The following HOMEZ variants were observed in gnomAD, a reference collection of about 807,000 sequenced individuals.
HOMEZ encodes the protein homeobox and leucine zipper protein Homez.
Under a neutral mutation model 50.1 loss-of-function variants are expected in HOMEZ, and 20 were observed. The observed-to-expected ratio is 0.40, with a 90% CI of 0.28 to 0.58. HOMEZ has a LOEUF of 0.58. HOMEZ is among the 20% of genes least tolerant of loss of function. The probability of loss-of-function intolerance (pLI) is 0.46; values close to 1 mark genes in which losing one functional copy is unlikely to be tolerated. For missense variants in HOMEZ, 579 were observed against 680.5 expected, an observed-to-expected ratio of 0.85 and a Z score of 1.66; for synonymous variants, 239 against 254.7, an observed-to-expected ratio of 0.94 and a Z score of 0.59.
chr14:23,275,705 T>C lies in HOMEZ; in HGVS notation c.1523A>G (p.Glu508Gly). ...WFDSRLPQPAEVVVCLDEEEE... is the reference protein window; with the variant it reads ...WFDSRLPQPAGVVVCLDEEEE... Reference sequence around the variant, plus strand: ...TTCTTCATCTAGACAAACTACCACCTCAGCTGGCTGAGGTAATCGAGAGTC... The same window carrying C: ...TTCTTCATCTAGACAAACTACCACCCCAGCTGGCTGAGGTAATCGAGAGTC... The change falls in exon 2 of 2, where the codon GAG (glutamate) becomes GGG (glycine). Residue 508 changes from glutamate to glycine, a missense_variant. Glu to Gly is a moderately conservative substitution (Grantham distance 98). Coordinates refer to ENST00000357460, the MANE Select transcript of HOMEZ (RefSeq NM_020834.3). 6.2e-7 allele frequency: 1 copy of C among 1,606,176 alleles called. No homozygotes were observed. The highest frequency in any genetic ancestry group is 2.2e-5 in the East Asian group (1 of 44,688).
chr14:23,277,021 G>C lies in HOMEZ; in HGVS notation c.207C>G (p.His69Gln), dbSNP rs1323172347. 1.9e-6 allele frequency: 3 copies of C among 1,614,038 alleles called. No homozygotes were observed. Among genetic ancestry groups the C allele is most frequent in the Non-Finnish European group, 1.7e-6 (2 of 1,179,894 alleles). ...AQTSELDSNE[H>Q]LLKTFSYFPY... is the part of the protein sequence containing the mutation. ...GAAAGTAGCTGAAGGTTTTGAGCAGGTGTTCATTGCTGTCTAGCTCACTGG... is the reference window on the plus strand; with the variant it reads ...GAAAGTAGCTGAAGGTTTTGAGCAGCTGTTCATTGCTGTCTAGCTCACTGG... Residue 69 changes from histidine (H) to glutamine (Q), a missense_variant, in exon 2 of 2, where the codon CAC (histidine) becomes CAG (glutamine). By Grantham distance (24) the His-to-Gln change is conservative. Transcript: ENST00000357460.
At position 23,286,086 on chromosome 14, in the gene HOMEZ, C is replaced by G. The variant is rs1408070710; in HGVS notation, c.-134G>C. On this transcript the variant is annotated 5_prime_UTR_variant, in exon 1 of 2. Transcript: ENST00000357460. ...GCCCCCCCCACCGTCCCCGGGAGCG[C>G]GCCGGTCTACCCAGCCCTGCTCGAG... 8.1e-7 allele frequency: 1 copy of G among 1,230,310 alleles called. No homozygotes were observed. The highest frequency in any genetic ancestry group is 3.2e-5 in the East Asian group (1 of 31,640). The allele number at this position is 1,230,310 out of a possible 1,614,324, so 76.2% of individuals were successfully genotyped here.
Position 23,273,936 on chromosome 14 carries a change from C to G in HOMEZ, c.*1639G>C, listed in dbSNP as rs1462957642. ...TACAGTTTTTGTTCTTTTAATTTACCTCAATAAGTCCTGCCCCTCCAAACA... is the reference window on the plus strand; with the variant it reads ...TACAGTTTTTGTTCTTTTAATTTACGTCAATAAGTCCTGCCCCTCCAAACA... On this transcript the variant is annotated 3_prime_UTR_variant, in exon 2 of 2. Transcript: ENST00000357460. 2.0e-5 allele frequency: 3 copies of G among 152,602 alleles called. No individual in the cohort carries two copies. Among genetic ancestry groups the G allele is most frequent in the African/African-American group, 7.2e-5 (3 of 41,440 alleles). The allele number at this position is 152,602 out of a possible 1,614,324, so 9.5% of individuals were successfully genotyped here.
rs1886267298 is a variant in HOMEZ, at chr14:23,273,681, G to T, written c.*1894C>A. ...CAGAAATAAATTAGGTCTTGGGAAT[G>T]ATCTTGTATCTGAACTAGGATCCCC... is the stretch of plus-strand genomic sequence containing the variant. On this transcript the variant is annotated 3_prime_UTR_variant, in exon 2 of 2. Coordinates refer to ENST00000357460, the MANE Select transcript of HOMEZ (RefSeq NM_020834.3). The T allele has an allele frequency of 6.6e-6, 1 of 152,230 alleles. No individual in the cohort carries two copies. The highest frequency in any genetic ancestry group is 2.1e-4 in the South Asian group (1 of 4,836). 9.4% of individuals were successfully genotyped at this position (152,230 alleles called of 1,614,324 possible). A position where few individuals can be genotyped will look rare whatever the true frequency, so the allele number is the denominator to read the frequency against.
intron 1 of HOMEZ, among the ~76,000 whole-genome samples, chr14:23,280,748 A>ATTTTATTTTATTTTATTT (rs1594965238): frequency 1.1e-5 from 1 of 87,120 alleles, no homozygotes; most frequent in Non-Finnish European, 2.3e-5. Flanking sequence ...TTATTATTTT[A>ATTTTATTTTATTTTATTT]TTTTATTTTA....
rs1886353676 is a variant in HOMEZ at position 23,276,280 on chromosome 14, CACTG to C, written c.944_947del (p.Ser315CysfsTer74). 2 of 1,613,760 alleles carry C rather than the reference CACTG, an allele frequency of 1.2e-6. No individual in the cohort carries two copies. The highest frequency in any genetic ancestry group is 1.7e-6 in the Non-Finnish European group (2 of 1,179,862). Reference sequence around the variant, plus strand: ...GGGGTAATGCCTGTTCACTGGGTGACACTGACTGTGGGACACAGCCTAGTGGCTG... The same window carrying C: ...GGGGTAATGCCTGTTCACTGGGTGACACTGTGGGACACAGCCTAGTGGCTG... On this transcript the variant is annotated frameshift_variant, in exon 2 of 2. Transcript: ENST00000357460. LOFTEE classifies it high-confidence loss of function. The surrounding 1 kb of genome is among the most constrained non-coding windows in gnomAD (Gnocchi z 4.1).
intron 1 of HOMEZ, chr14:23,284,899 T>C (rs1886626797): frequency 6.6e-6 from 1 of 152,194 alleles, no homozygotes; most frequent in Admixed American, 6.5e-5. Flanking sequence ...TAGAATTACC[T>C]GGGAAGCTTA....
chr14:23,284,360 G>A (rs1403459392), intron 1 of HOMEZ, among the ~76,000 whole-genome samples: 1 of 152,208 alleles, frequency 6.6e-6, no homozygotes, highest in East Asian at 1.9e-4. Flanking sequence ...AAGAGTGGAA[G>A]GGAGGGATGC....
intron 1 of HOMEZ, among the ~76,000 whole-genome samples, chr14:23,278,029 G>A (rs187351182): frequency 7.2e-4 from 110 of 152,046 alleles, no homozygotes; most frequent in African/African-American, 2.5e-3. Flanking sequence ...GGGTTTCACC[G>A]TCTTGGCCAG....
rs771924835 is a variant in HOMEZ, at chr14:23,276,957, G to A, written c.271C>T (p.Arg91Cys). 21 of 1,613,914 alleles carry A rather than the reference G, an allele frequency of 1.3e-5. No individual in the cohort carries two copies. Among genetic ancestry groups the A allele is most frequent in the Admixed American group, 3.3e-5 (2 of 60,008 alleles). The change falls in exon 2 of 2, where the codon CGT becomes TGT. Residue 91 changes from arginine (R) to cysteine (C), a missense_variant. Physicochemically the swap from Arg to Cys is radical, Grantham distance 180. Coordinates refer to ENST00000357460, the MANE Select transcript of HOMEZ (RefSeq NM_020834.3). This position sits in a 1 kb window ranked among gnomAD's most constrained non-coding sequence, Gnocchi z 4.1. ...ACTTTCTCCATCTGCAACCCATAAC[G>A]TAGGCAGAGAAGGGCAATGTCTGCT... is the stretch of plus-strand genomic sequence containing the variant. The part of the protein sequence containing the change: ...SLADIALLCL[R>C]YGLQMEKVKT...
Position 23,275,413 on chromosome 14 carries a change from C to G in HOMEZ, c.*162G>C, listed in dbSNP as rs972451959. 20 of 828,766 alleles carry G rather than the reference C, an allele frequency of 2.4e-5. No individual in the cohort carries two copies. The highest frequency in any genetic ancestry group is 3.3e-5 in the Non-Finnish European group (18 of 543,634). 51.3% of individuals were successfully genotyped at this position (828,766 alleles called of 1,614,324 possible). On this transcript the variant is annotated 3_prime_UTR_variant, in exon 2 of 2. Coordinates refer to ENST00000357460, the MANE Select transcript of HOMEZ (RefSeq NM_020834.3). ...ACTTAGTGCCCTATGGTCATTCTCCCTGGTCCACCCTCACTATATCCCCCT... is the reference window on the plus strand; with the variant it reads ...ACTTAGTGCCCTATGGTCATTCTCCGTGGTCCACCCTCACTATATCCCCCT...
rs1426722095 is a variant in HOMEZ, at chr14:23,274,085, T to G, written c.*1490A>C. The G allele has an allele frequency of 1.3e-5, 2 of 152,668 alleles. No homozygotes were observed. Among genetic ancestry groups the G allele is most frequent in the African/African-American group, 4.8e-5 (2 of 41,454 alleles). 9.5% of individuals were successfully genotyped at this position (152,668 alleles called of 1,614,324 possible). ...ATTTTTGGCCTTTTTATTATTATTCTAGCATTTTAGGGCTTCCACTCTTTT... is the reference window on the plus strand; with the variant it reads ...ATTTTTGGCCTTTTTATTATTATTCGAGCATTTTAGGGCTTCCACTCTTTT... On this transcript the variant is annotated 3_prime_UTR_variant, in exon 2 of 2. Transcript: ENST00000357460.
intron 1 of HOMEZ, among the ~76,000 whole-genome samples, chr14:23,281,273 C>G (rs888999369): frequency 9.2e-5 from 14 of 152,164 alleles, no homozygotes; most frequent in Non-Finnish European, 1.9e-4. Flanking sequence ...GCAAATCTAA[C>G]TAACTGAGGC....
At chr14:23,280,223 C>T (rs546287361) in intron 1 of HOMEZ, among the ~76,000 whole-genome samples, 1 of 152,124 alleles carries the variant, frequency 6.6e-6, no homozygotes, top group East Asian at 1.9e-4. Context: ...CTCCCCTAAC[C>T]CTTTAGGTCA....
rs146306025 is a variant in HOMEZ, at chr14:23,279,257, T to G, written c.41-2070A>C. Among the ~76,000 whole-genome samples the G allele has an allele frequency of 2.4e-3, 371 of 152,188 alleles. 2 individuals carry two copies. Among genetic ancestry groups the G allele is most frequent in the African/African-American group, 8.6e-3 (355 of 41,514 alleles). Reference sequence around the variant, plus strand: ...ATAAAATTTTCTTTTTTTTTTCTTCTCAGTAGGGCAATTTACTTCTATAGA... The same window carrying G: ...ATAAAATTTTCTTTTTTTTTTCTTCGCAGTAGGGCAATTTACTTCTATAGA... On this transcript the variant is annotated intron_variant, in intron 1 of 1. Coordinates refer to ENST00000357460, the MANE Select transcript of HOMEZ (RefSeq NM_020834.3).
At chr14:23,283,216 T>C (rs1886593911) in intron 1 of HOMEZ, among the ~76,000 whole-genome samples, 1 of 152,134 alleles carries the variant, frequency 6.6e-6, no homozygotes, top group Admixed American at 6.6e-5. Flanking sequence ...GCCAGATATG[T>C]CCCATTGCTA....
At chr14:23,278,681 G>A (rs1886420816) in intron 1 of HOMEZ, among the ~76,000 whole-genome samples, 1 of 151,222 alleles carries the variant, frequency 6.6e-6, no homozygotes, top group Non-Finnish European at 1.5e-5. Flanking sequence ...TTGTTTGTTT[G>A]TTTGTTTGTT....
Position 23,276,080 on chromosome 14 carries a change from C to G in HOMEZ, c.1148G>C (p.Arg383Pro), listed in dbSNP as rs371112513. The part of the protein sequence containing the change: ...SFFLQCQWAR[R>P]EDYQKLEQIT... ...CTGTTCTAACTTTTGGTAATCCTCA[C>G]GCCGTGCCCACTGGCACTGTAAAAA... Residue 383 changes from arginine (R) to proline (P), a missense_variant, in exon 2 of 2, where the codon CGT (arginine) becomes CCT (proline). Arg to Pro is a moderately radical substitution (Grantham distance 103, BLOSUM62 -2). Transcript: ENST00000357460. This position sits in a 1 kb window ranked among gnomAD's most constrained non-coding sequence, Gnocchi z 4.1. 6.2e-7 allele frequency: 1 copy of G among 1,614,016 alleles called. No homozygotes were observed. Among genetic ancestry groups the G allele is most frequent in the Non-Finnish European group, 8.5e-7 (1 of 1,179,888 alleles).
At chr14:23,281,322 T>A (rs1178289625) in intron 1 of HOMEZ, among the ~76,000 whole-genome samples, 3 of 152,090 alleles carry the variant, frequency 2.0e-5, no homozygotes. Context: ...GAAGAGCCCC[T>A]TAAGAGGGTC....
Sources: gnomAD v4.1 joint callset for allele counts (sites outside exome capture counted in the v4.1 genomes callset) on GRCh38, gnomAD v4.1.1 for gene constraint, Gnocchi (gnomAD v3.1) non-coding constraint, MANE v1.5 for transcripts, NCBI Gene and HGNC (gene_info 2026-07-23, HGNC 2026-07-21) for gene names.